The following SMARCA2 variants were observed in gnomAD, a reference collection of about 807,000 sequenced individuals.
SMARCA2 encodes the protein SWI/SNF related BAF chromatin remodeling complex subunit ATPase 2, also known as SWI/SNF-related matrix-associated actin-dependent regulator of chromatin subfamily A member 2.
In SMARCA2, 61 loss-of-function variants were observed where a neutral mutation model predicts 199.8. That is an observed-to-expected ratio of 0.31 (90% CI 0.25 to 0.38). The LOEUF (loss-of-function observed/expected upper bound fraction) is 0.38, where lower values mean the gene tolerates loss of function less well. Ranked by LOEUF, SMARCA2 falls within the 10% of genes least tolerant of loss-of-function variation. The pLI is 1.00. For missense variants in SMARCA2, 1,344 were observed against 2,012.2 expected, an observed-to-expected ratio of 0.67 and a Z score of 6.35; for synonymous variants, 935 against 732.0, an observed-to-expected ratio of 1.28 and a Z score of -4.48.
intron 1 of SMARCA2, among the ~76,000 whole-genome samples, chr9:2,025,556 C>T (rs774865024): frequency 4.6e-5 from 7 of 152,162 alleles, no homozygotes; most frequent in Non-Finnish European, 7.4e-5. Context: ...TTACTGCTGT[C>T]GTCACCACCC....
intron 10 of SMARCA2, among the ~76,000 whole-genome samples, chr9:2,071,781 T>A (rs1339618231): frequency 1.3e-5 from 2 of 152,232 alleles, no homozygotes; most frequent in Admixed American, 1.3e-4. Context: ...TAATGGTTCA[T>A]GATAACAGAA....
chr9:2,101,105 T>A (rs1308704314), intron 21 of SMARCA2, among the ~76,000 whole-genome samples: 1 of 152,186 alleles, frequency 6.6e-6, no homozygotes, highest in Non-Finnish European at 1.5e-5. Flanking sequence ...ACATGGGAAT[T>A]ATAGGAGCTA....
Position 2,032,978 on chromosome 9 carries a change from G to T in SMARCA2, c.252G>T (p.Gly84=), listed in dbSNP as rs1017709721. ...CCATCGATGGTATACATGACAAGGG[G>T]ATTGTAGAAGACATCCATTGTGGAT... ...HKPIDGIHDK[G]IVEDIHCGSM... The change falls in exon 3 of 34, where the codon GGG becomes GGT. Residue 84 remains glycine, a synonymous_variant. Transcript: ENST00000349721. 7.6e-5 allele frequency: 123 copies of T among 1,613,764 alleles called. No individual in the cohort carries two copies. Among genetic ancestry groups the T allele is most frequent in the Non-Finnish European group, 1.0e-4 (120 of 1,179,788 alleles).
intron 27 of SMARCA2, chr9:2,157,636 A>T (rs1272711720): frequency 1.6e-5 from 6 of 365,688 alleles, no homozygotes; most frequent in Non-Finnish European, 2.4e-5. Flanking sequence ...CAGTGTTAAG[A>T]TGGTTTGTTC....
intron 27 of SMARCA2, among the ~76,000 whole-genome samples, chr9:2,130,830 C>T (rs1823915739): frequency 1.3e-5 from 2 of 152,152 alleles, no homozygotes; most frequent in Admixed American, 1.3e-4. Flanking sequence ...GGCATTCCAT[C>T]TACCTAAATT....
chr9:2,081,385 C>T (rs1052809792), intron 14 of SMARCA2, among the ~76,000 whole-genome samples: 2 of 152,300 alleles, frequency 1.3e-5, no homozygotes, highest in African/African-American at 2.4e-5. Context: ...GTCCCTGGCT[C>T]CCTGGTCAGT....
chr9:2,162,360 C>T (rs375575432), intron 28 of SMARCA2, among the ~76,000 whole-genome samples: 1 of 152,088 alleles, frequency 6.6e-6, no homozygotes, highest in African/African-American at 2.4e-5. Flanking sequence ...TTCTCCTTTC[C>T]TTCCAACACT....
At chr9:2,146,732 A>C (rs1824768254) in intron 27 of SMARCA2, among the ~76,000 whole-genome samples, 1 of 152,094 alleles carries the variant, frequency 6.6e-6, no homozygotes, top group Non-Finnish European at 1.5e-5. Context: ...TGGATTTTTC[A>C]TGCCTCCCCT....
chr9:2,028,848 T>C, intron 1 of SMARCA2, 139 bp from the exon 2 acceptor site: 1 of 682,678 alleles, frequency 1.5e-6, no homozygotes, highest in Non-Finnish European at 2.5e-6. Context: ...TCACACTCAC[T>C]CAAACATCTG....
At chr9:2,187,929 ACT>A (rs1321739433) in intron 32 of SMARCA2, among the ~76,000 whole-genome samples, 1 of 152,016 alleles carries the variant, frequency 6.6e-6, no homozygotes, top group African/African-American at 2.4e-5. Context: ...ATGCCACAAA[ACT>A]GTGTGCTATG....
intron 3 of SMARCA2, among the ~76,000 whole-genome samples, chr9:2,035,348 C>A (rs1275131312): frequency 6.6e-6 from 1 of 152,086 alleles, no homozygotes; most frequent in African/African-American, 2.4e-5. Flanking sequence ...TGGCCTTAAA[C>A]CTTTATTTTT....
At chr9:2,133,646 T>TAA (rs200883154) in intron 27 of SMARCA2, among the ~76,000 whole-genome samples, 1 of 139,900 alleles carries the variant, frequency 7.1e-6, no homozygotes. Context: ...TGTCAGGATT[T>TAA]AAAAAAAAAA....
chr9:2,027,306 G>T (rs1032913349), intron 1 of SMARCA2, among the ~76,000 whole-genome samples: 3 of 151,972 alleles, frequency 2.0e-5, no homozygotes, highest in African/African-American at 7.3e-5. Flanking sequence ...AGCTTGGCAC[G>T]GTGGCGCCGC....
At chr9:2,082,217 G>A (rs897320133) in intron 15 of SMARCA2, among the ~76,000 whole-genome samples, 12 of 151,638 alleles carry the variant, frequency 7.9e-5, no homozygotes, top group African/African-American at 2.7e-4. Flanking sequence ...TGATTTTATC[G>A]GCCATCAGCA....
chr9:2,163,797 C>T (rs1390803199), intron 28 of SMARCA2, among the ~76,000 whole-genome samples: 1 of 152,060 alleles, frequency 6.6e-6, no homozygotes, highest in Non-Finnish European at 1.5e-5. Flanking sequence ...CTAGGCCTTT[C>T]ATTCTAAGGT....
At position 2,190,448 on chromosome 9, in the gene SMARCA2, A is replaced by G. The variant is rs1827798226; in HGVS notation, c.4595-818A>G. ...AGGTATTTAAAAGAATTAGGCAGGTATGTATGAGGCTTTACCTATAAATAT... is the reference window on the plus strand; with the variant it reads ...AGGTATTTAAAAGAATTAGGCAGGTGTGTATGAGGCTTTACCTATAAATAT... On this transcript the variant is annotated intron_variant, in intron 32 of 33. Transcript: ENST00000349721. Among the ~76,000 whole-genome samples, 4 of 152,376 alleles carry G rather than the reference A, an allele frequency of 2.6e-5. 1 individual carries two copies. In the South Asian group the frequency reaches 6.2e-4, roughly 24 times the overall value.
At chr9:2,061,636 C>T (rs533465221) in intron 9 of SMARCA2, among the ~76,000 whole-genome samples, 27 of 152,244 alleles carry the variant, frequency 1.8e-4, no homozygotes, top group African/African-American at 6.3e-4. Flanking sequence ...TGAATATGAT[C>T]CTCTTTGAAG....
intron 5 of SMARCA2, among the ~76,000 whole-genome samples, chr9:2,052,983 T>TA (rs1255240196): frequency 2.0e-5 from 3 of 152,224 alleles, no homozygotes; most frequent in Non-Finnish European, 4.4e-5. Context: ...CAATTTCGAC[T>TA]TTTATTTTAG....
intron 19 of SMARCA2, among the ~76,000 whole-genome samples, chr9:2,093,216 C>T (rs1052639736): frequency 6.6e-6 from 1 of 152,166 alleles, no homozygotes; most frequent in Non-Finnish European, 1.5e-5. Flanking sequence ...TCCAGGCATT[C>T]AGGTGGTTTA....
Sources: allele counts gnomAD v4.1 joint callset (sites outside exome capture counted in the v4.1 genomes callset), GRCh38; gene constraint gnomAD v4.1.1; transcripts MANE v1.5; gene names NCBI Gene and HGNC (gene_info 2026-07-23, HGNC 2026-07-21).